Variants in PPM1H observed in about 807,000 individuals in gnomAD.
PPM1H encodes the protein protein phosphatase 1H.
Under a neutral mutation model 54.9 loss-of-function variants are expected in PPM1H, and 27 were observed. The ratio of observed to expected loss-of-function variants is 0.49; its 90% CI spans 0.36 to 0.68. The LOEUF is 0.68. Among genes scored for constraint, PPM1H ranks in the 30% least tolerant of loss-of-function variants. The probability of loss-of-function intolerance (pLI) is 0.00; values close to 1 mark genes in which losing one functional copy is unlikely to be tolerated. For synonymous variants in PPM1H, 305 were observed against 270.8 expected, an observed-to-expected ratio of 1.13 and a Z score of -1.24; for missense variants, 596 against 667.8, an observed-to-expected ratio of 0.89 and a Z score of 1.19.
chr12:62,873,753 A>C (rs1479218807), intron 1 of PPM1H, among the ~76,000 whole-genome samples: 1 of 152,244 alleles, frequency 6.6e-6, no homozygotes, highest in Non-Finnish European at 1.5e-5. Context: ...GACGGGAATA[A>C]ATAAAAACGG....
chr12:62,879,608 G>T (rs1307583677), intron 1 of PPM1H, among the ~76,000 whole-genome samples: 1 of 152,104 alleles, frequency 6.6e-6, no homozygotes, highest in Non-Finnish European at 1.5e-5. Context: ...ACTGGGGCCT[G>T]TTGGGGTACG....
rs182534407 is a variant in PPM1H, at chr12:62,709,050, C to T, written c.1073+11121G>A. ...CCTTAGCCTGGCATTCAAAGTTCCC[C>T]ATGAGCTGACTCCAATGTAATTACC... On this transcript the variant is annotated intron_variant, in intron 6 of 9. Transcript: ENST00000228705. 7.9e-5 allele frequency among the ~76,000 whole-genome samples: 12 copies of T among 152,242 alleles called. No individual in the cohort carries two copies. The East Asian group carries it at 2.3e-3, about 29-fold the overall frequency.
chr12:62,780,459 C>T (rs921880388), intron 4 of PPM1H, among the ~76,000 whole-genome samples: 1 of 152,164 alleles, frequency 6.6e-6, no homozygotes, highest in Non-Finnish European at 1.5e-5. Flanking sequence ...TGCCACCATG[C>T]CCAACTAATT....
chr12:62,730,741 C>G lies in PPM1H; in HGVS notation c.954+6761G>C, dbSNP rs17098238. On this transcript the variant is annotated intron_variant, in intron 5 of 9. Coordinates refer to ENST00000228705, the MANE Select transcript of PPM1H (RefSeq NM_020700.2). ...GATTATATGAGAAGAGGATTGGAAG[C>G]CTTGCAATTCAAGATGATTTATCAA... Among the ~76,000 whole-genome samples, 253 of 152,040 alleles carry G rather than the reference C, an allele frequency of 1.7e-3. 3 individuals are homozygous for G. In the East Asian group the frequency reaches 0.038, roughly 23 times the overall value.
intron 1 of PPM1H, among the ~76,000 whole-genome samples, chr12:62,839,138 TG>T (rs2120883032): frequency 6.6e-6 from 1 of 152,218 alleles, no homozygotes; most frequent in Admixed American, 6.5e-5. Context: ...TGTGGTAGTG[TG>T]GCTGGGCAGT....
At chr12:62,845,312 A>G (rs681224) in intron 1 of PPM1H, among the ~76,000 whole-genome samples, 149,564 of 152,362 alleles carry the variant, frequency 0.98, 73,408 homozygotes, top group East Asian at 1. Context: ...TACTCTGAGG[A>G]TCTCTGCATG....
At chr12:62,664,293 G>A (rs11174595) in intron 9 of PPM1H, among the ~76,000 whole-genome samples, 2 of 152,106 alleles carry the variant, frequency 1.3e-5, no homozygotes, top group African/African-American at 4.8e-5. Flanking sequence ...AGAAAAAAAG[G>A]CTAAAATTTC....
intron 1 of PPM1H, chr12:62,933,884 A>G (rs1457405574): frequency 6.6e-6 from 1 of 152,238 alleles, no homozygotes; most frequent in African/African-American, 2.4e-5. Flanking sequence ...GCTGAGGGAA[A>G]TAGTACTGGC....
intron 1 of PPM1H, among the ~76,000 whole-genome samples, chr12:62,892,574 TA>T (rs1213502114): frequency 6.6e-6 from 1 of 152,204 alleles, no homozygotes; most frequent in African/African-American, 2.4e-5. Context: ...TCTACACATA[TA>T]AACCCGTTTT....
intron 1 of PPM1H, among the ~76,000 whole-genome samples, chr12:62,921,620 C>T (rs1871802189): frequency 6.6e-6 from 1 of 152,182 alleles, no homozygotes; most frequent in South Asian, 2.1e-4. Flanking sequence ...GAAAGATTCC[C>T]ATTAAAACTT....
intron 9 of PPM1H, among the ~76,000 whole-genome samples, chr12:62,663,913 C>T (rs1362334983): frequency 6.6e-6 from 1 of 151,810 alleles, no homozygotes; most frequent in Non-Finnish European, 1.5e-5. Context: ...ATTGCTTGAA[C>T]CTGGCAGGCG....
chr12:62,844,295 T>G lies in PPM1H; in HGVS notation c.246-12016A>C, dbSNP rs1047768886. ...AAGCCAGTATGTAACATTACAGTGA[T>G]TTGCTTAGTATGGATTACTACATTC... is the stretch of plus-strand genomic sequence containing the variant. On this transcript the variant is annotated intron_variant, in intron 1 of 9. Transcript: ENST00000228705. This position sits in a 1 kb window ranked among gnomAD's most constrained non-coding sequence, Gnocchi z 5.2. Among the ~76,000 whole-genome samples, 6 of 152,174 alleles carry G rather than the reference T, an allele frequency of 3.9e-5. No individual in the cohort carries two copies. The highest frequency in any genetic ancestry group is 1.4e-4 in the African/African-American group (6 of 41,430).
At chr12:62,713,899 T>C (rs1283453357) in intron 6 of PPM1H, among the ~76,000 whole-genome samples, 1 of 151,850 alleles carries the variant, frequency 6.6e-6, no homozygotes, top group Non-Finnish European at 1.5e-5. Flanking sequence ...GCCCGGGAGG[T>C]TGAGGCTGCA....
chr12:62,911,922 T>C (rs1871474298), intron 1 of PPM1H, among the ~76,000 whole-genome samples: 1 of 152,246 alleles, frequency 6.6e-6, no homozygotes, highest in African/African-American at 2.4e-5. Context: ...TTAGGTTGCT[T>C]ATCTCCTTTG....
intron 4 of PPM1H, among the ~76,000 whole-genome samples, chr12:62,744,102 ATGTC>A (rs1399793445): frequency 2.6e-5 from 4 of 151,052 alleles, no homozygotes; most frequent in African/African-American, 9.7e-5. Context: ...AACAGCCTGA[ATGTC>A]TGTCAAAAGG....
At chr12:62,804,759 T>A (rs1195076558) in intron 2 of PPM1H, among the ~76,000 whole-genome samples, 1 of 141,722 alleles carries the variant, frequency 7.1e-6, no homozygotes, top group East Asian at 2.1e-4. Context: ...CACTGCAAGC[T>A]CCGCCTCCCA....
chr12:62,867,385 C>T (rs1869813955), intron 1 of PPM1H, among the ~76,000 whole-genome samples: 1 of 151,982 alleles, frequency 6.6e-6, no homozygotes, highest in African/African-American at 2.4e-5. Flanking sequence ...AAACTTTCCC[C>T]TTTGATTGTT....
intron 1 of PPM1H, among the ~76,000 whole-genome samples, chr12:62,930,170 A>G (rs1872089502): frequency 6.6e-6 from 1 of 152,178 alleles, no homozygotes; most frequent in Non-Finnish European, 1.5e-5. Flanking sequence ...AGAGTCCAAA[A>G]CAAATCCAAA....
At chr12:62,817,116 T>TAAAAAAAAAAA (rs1189819660) in intron 2 of PPM1H, among the ~76,000 whole-genome samples, 1 of 41,792 alleles carries the variant, frequency 2.4e-5, no homozygotes, top group African/African-American at 8.2e-5. Flanking sequence ...ACTGCATTAC[T>TAAAAAAAAAAA]AAAAAAAAAA....
Sources: allele counts gnomAD v4.1 joint callset (sites outside exome capture counted in the v4.1 genomes callset), GRCh38; gene constraint gnomAD v4.1.1; non-coding constraint Gnocchi (gnomAD v3.1); transcripts MANE v1.5; gene names NCBI Gene and HGNC (gene_info 2026-07-23, HGNC 2026-07-21).